UMAD1: variants seen among roughly 807,000 people sequenced by gnomAD.
The protein encoded by UMAD1 is UBAP1-MVB12-associated (UMA)-domain containing protein 1.
A neutral mutation model predicts 6.1 loss-of-function variants in UMAD1; 8 were observed. That is an observed-to-expected ratio of 1.30 (90% confidence interval 0.76 to 2.35). The LOEUF is 2.35. Among genes scored for constraint, UMAD1 ranks in the 30% most tolerant of loss-of-function variants. The pLI is 0.00. For missense variants in UMAD1, 130 were observed against 78.4 expected (o/e 1.66, Z -2.49); for synonymous variants, 56 against 31.4 (o/e 1.78, Z -2.61).
intron 2 of UMAD1, chr7:7,736,535 T>C (rs1781364164): frequency 6.6e-6 from 1 of 152,238 alleles, no homozygotes; most frequent in African/African-American, 2.4e-5. Flanking sequence ...TCCAGTGTGC[T>C]CTTCAAATGA....
At chr7:7,853,435 A>T (rs1427943173) in intron 3 of UMAD1, among the ~76,000 whole-genome samples, 3 of 151,976 alleles carry the variant, frequency 2.0e-5, no homozygotes, top group Admixed American at 1.3e-4. Flanking sequence ...CTGTCTTCTG[A>T]TACATGAGCG....
At chr7:7,675,370 C>G (rs1779713214) in intron 2 of UMAD1, among the ~76,000 whole-genome samples, 1 of 152,140 alleles carries the variant, frequency 6.6e-6, no homozygotes, top group Non-Finnish European at 1.5e-5. Flanking sequence ...ACCACCACTG[C>G]AGTGGCTCCT....
intron 2 of UMAD1, among the ~76,000 whole-genome samples, chr7:7,793,224 C>T (rs1035554543): frequency 9.2e-5 from 14 of 152,150 alleles, no homozygotes; most frequent in African/African-American, 3.1e-4. Flanking sequence ...TATCATTATT[C>T]CCATTTTTCA....
At chr7:7,787,977 G>T (rs188999804) in intron 2 of UMAD1, among the ~76,000 whole-genome samples, 1 of 152,090 alleles carries the variant, frequency 6.6e-6, no homozygotes, top group Non-Finnish European at 1.5e-5. Context: ...AAATTTTTCT[G>T]AGACTATTGC....
In UMAD1 at chr7:7,721,329, C is replaced by T. The variant is rs540765207; in HGVS notation, c.82+47876C>T. Among the ~76,000 whole-genome samples, 9 of 152,278 alleles carry T rather than the reference C, an allele frequency of 5.9e-5. No homozygotes were observed. The East Asian group carries it at 1.7e-3, about 29-fold the overall frequency. Reference sequence around the variant, plus strand: ...TGGATTTTTGACAAGTTTCTTTTCTCACATATTCCATATGTGTGCAGAGGT... The same window carrying T: ...TGGATTTTTGACAAGTTTCTTTTCTTACATATTCCATATGTGTGCAGAGGT... On this transcript the variant is annotated intron_variant, in intron 2 of 3. Transcript: ENST00000682710.
At chr7:7,850,556 G>T (rs1042097619) in intron 3 of UMAD1, among the ~76,000 whole-genome samples, 9 of 151,858 alleles carry the variant, frequency 5.9e-5, no homozygotes, top group African/African-American at 1.9e-4. Flanking sequence ...TAAAATATAT[G>T]TATATTTACC....
chr7:7,715,802 A>G (rs1306134861), intron 2 of UMAD1, among the ~76,000 whole-genome samples: 1 of 152,242 alleles, frequency 6.6e-6, no homozygotes, highest in Non-Finnish European at 1.5e-5. Flanking sequence ...AAAGAAGTAT[A>G]AGACAGTAGT....
intron 3 of UMAD1, among the ~76,000 whole-genome samples, chr7:7,856,416 TAA>T (rs1784019211): frequency 6.6e-6 from 1 of 152,226 alleles, no homozygotes; most frequent in African/African-American, 2.4e-5. Context: ...CAGATGCTTA[TAA>T]AACCCTCAGA....
At chr7:7,779,026 G>A (rs1782284183) in intron 2 of UMAD1, among the ~76,000 whole-genome samples, 1 of 152,182 alleles carries the variant, frequency 6.6e-6, no homozygotes, top group African/African-American at 2.4e-5. Context: ...CTCAGGCACA[G>A]TGAGGTTAAA....
At chr7:7,670,031 C>G (rs1163099039) in intron 1 of UMAD1, among the ~76,000 whole-genome samples, 2 of 152,108 alleles carry the variant, frequency 1.3e-5, no homozygotes, top group Admixed American at 6.6e-5. Context: ...ACTGCTGCAG[C>G]CAGTGTGTTT....
chr7:7,717,413 C>G (rs543737128), intron 2 of UMAD1, among the ~76,000 whole-genome samples: 2 of 152,194 alleles, frequency 1.3e-5, no homozygotes, highest in African/African-American at 2.4e-5. Context: ...TGTGTGTCCT[C>G]GTCCTTCAGT....
chr7:7,667,163 G>A (rs1419827920), intron 1 of UMAD1, among the ~76,000 whole-genome samples: 1 of 152,176 alleles, frequency 6.6e-6, no homozygotes, highest in African/African-American at 2.4e-5. Flanking sequence ...GGATCCCTGA[G>A]TATTAAGATG....
intron 2 of UMAD1, among the ~76,000 whole-genome samples, chr7:7,684,561 C>T (rs997705860): frequency 7.9e-5 from 12 of 152,058 alleles, no homozygotes; most frequent in African/African-American, 2.9e-4. Context: ...TGGTTGAATC[C>T]ACCCATGAGG....
chr7:7,674,317 A>G (rs1000333325), intron 2 of UMAD1, among the ~76,000 whole-genome samples: 2 of 152,172 alleles, frequency 1.3e-5, no homozygotes, highest in Admixed American at 1.3e-4. Flanking sequence ...TCAGACTGGC[A>G]TCTGCTAGCA....
chr7:7,807,118 G>A (rs774849046), intron 3 of UMAD1, among the ~76,000 whole-genome samples: 1 of 151,970 alleles, frequency 6.6e-6, no homozygotes, highest in East Asian at 1.9e-4. Flanking sequence ...ATCTATTTGT[G>A]GAAAATTTAG....
chr7:7,854,447 C>T (rs913917145), intron 3 of UMAD1, among the ~76,000 whole-genome samples: 1 of 150,952 alleles, frequency 6.6e-6, no homozygotes, highest in Non-Finnish European at 1.5e-5. Flanking sequence ...ACAATCATGG[C>T]AGAAGATACC....
At chr7:7,716,588 T>TA (rs752201642) in intron 2 of UMAD1, among the ~76,000 whole-genome samples, 8 of 152,152 alleles carry the variant, frequency 5.3e-5, no homozygotes, top group Non-Finnish European at 7.3e-5. Context: ...ACGTGCACAG[T>TA]AAAGAGGCAG....
intron 2 of UMAD1, among the ~76,000 whole-genome samples, chr7:7,750,428 A>G (rs17137223): frequency 0.16 from 24,892 of 152,096 alleles, 2,235 homozygotes; most frequent in Non-Finnish European, 0.19. Context: ...AATTTGAACT[A>G]ATTGTCTTTG....
intron 1 of UMAD1, among the ~76,000 whole-genome samples, chr7:7,644,468 C>T (rs982375437): frequency 1.3e-5 from 2 of 151,668 alleles, no homozygotes; most frequent in African/African-American, 4.8e-5. Flanking sequence ...TTTGATACAT[C>T]GTACTCTTAA....
Sources: gnomAD v4.1 joint callset for allele counts (sites outside exome capture counted in the v4.1 genomes callset) on GRCh38, gnomAD v4.1.1 for gene constraint, MANE v1.5 for transcripts, NCBI Gene and HGNC (gene_info 2026-07-23, HGNC 2026-07-21) for gene names.